Variants in DCUN1D1 observed in about 807,000 individuals in gnomAD.
The protein encoded by DCUN1D1 is DCN1-like protein 1.
Under a neutral mutation model 39.0 loss-of-function variants are expected in DCUN1D1, and 3 were observed. The ratio of observed to expected loss-of-function variants is 0.08; its 90% CI spans 0.04 to 0.20. DCUN1D1 has a LOEUF of 0.20. Ranked by LOEUF, DCUN1D1 falls within the 10% of genes least tolerant of loss-of-function variation. DCUN1D1 has a pLI of 1.00. For synonymous variants in DCUN1D1, 82 were observed against 96.3 expected (o/e 0.85, Z 0.87); for missense variants, 158 against 302.4 (o/e 0.52, Z 3.54).
intron 2 of DCUN1D1, 22 bp downstream of exon 2, chr3:182,965,514 TA>T: frequency 6.5e-7 from 1 of 1,541,984 alleles, no homozygotes; most frequent in Non-Finnish European, 8.9e-7. Flanking sequence ...AAAATTTACT[TA>T]AAGTCACAAG....
chr3:182,955,706 G>C (rs57704345), intron 4 of DCUN1D1: 136 of 322,898 alleles, frequency 4.2e-4, no homozygotes, highest in African/African-American at 2.1e-3. Flanking sequence ...TCAGCCTCCC[G>C]AGTAGCTGGG....
At position 182,939,041 on chromosome 3, in the gene DCUN1D1, A is replaced by G. The variant is rs960831647; in HGVS notation, c.*6053T>C. ...ACCCTCACTGACTACAGAAAATACT[A>G]CCTCCAAGAGAGTACATGTCTACTA... On this transcript the variant is annotated 3_prime_UTR_variant, in exon 7 of 7. Coordinates refer to ENST00000292782, the MANE Select transcript of DCUN1D1 (RefSeq NM_020640.4). The G allele has an allele frequency of 1.3e-5, 2 of 152,186 alleles. No homozygotes were observed. The highest frequency in any genetic ancestry group is 2.9e-5 in the Non-Finnish European group (2 of 68,022). 9.4% of individuals were successfully genotyped at this position (152,186 alleles called of 1,614,324 possible).
intron 3 of DCUN1D1, among the ~76,000 whole-genome samples, chr3:182,963,409 G>A (rs1727504677): frequency 6.6e-6 from 1 of 152,070 alleles, no homozygotes; most frequent in South Asian, 2.1e-4. Context: ...GACAACTAGA[G>A]GTCACAGGTA....
chr3:182,972,576 G>C (rs1727997592), intron 1 of DCUN1D1, among the ~76,000 whole-genome samples: 1 of 151,942 alleles, frequency 6.6e-6, no homozygotes, highest in African/African-American at 2.4e-5. Flanking sequence ...CAGAGTTCAA[G>C]ACGAGCCTGG....
chr3:182,981,785 A>G (rs1361761327), upstream of DCUN1D1, among the ~76,000 whole-genome samples: 1 of 152,260 alleles, frequency 6.6e-6, no homozygotes, highest in Non-Finnish European at 1.5e-5. Flanking sequence ...TCCTGGAGCT[A>G]GCCATGTACT....
chr3:182,945,590 C>G (rs561735586), intron 6 of DCUN1D1, among the ~76,000 whole-genome samples: 1 of 148,836 alleles, frequency 6.7e-6, no homozygotes, highest in Non-Finnish European at 1.5e-5. Context: ...GAGCGAGACT[C>G]CCTCTCAAAA....
intron 1 of DCUN1D1, among the ~76,000 whole-genome samples, chr3:182,974,355 TTC>T (rs1050401018): frequency 3.3e-5 from 5 of 152,316 alleles, no homozygotes; most frequent in Non-Finnish European, 7.4e-5. Context: ...TCGCAATTGA[TTC>T]TCTCAAACTT....
intron 1 of DCUN1D1, among the ~76,000 whole-genome samples, chr3:182,970,141 C>G (rs1021125210): frequency 6.6e-6 from 1 of 151,928 alleles, no homozygotes; most frequent in Non-Finnish European, 1.5e-5. Context: ...ACCTATAGTC[C>G]TAGCTACATG....
chr3:182,981,287 C>G (rs1316825729), upstream of DCUN1D1, among the ~76,000 whole-genome samples: 6 of 152,132 alleles, frequency 3.9e-5, no homozygotes, highest in Admixed American at 1.3e-4. Flanking sequence ...TCTCAGTATC[C>G]CCTCAGTTCG....
At chr3:182,973,802 C>T (rs976636859) in intron 1 of DCUN1D1, among the ~76,000 whole-genome samples, 1 of 143,502 alleles carries the variant, frequency 7.0e-6, no homozygotes, top group African/African-American at 2.8e-5. Flanking sequence ...TGCGAAACTC[C>T]GGCTCAAAAA....
intron 1 of DCUN1D1, chr3:182,979,990 G>T: frequency 5.3e-6 from 1 of 186,950 alleles, no homozygotes; most frequent in Non-Finnish European, 1.0e-5. Flanking sequence ...AGCGGAGGAG[G>T]GAGAGGCGCG....
intron 4 of DCUN1D1, among the ~76,000 whole-genome samples, chr3:182,958,450 T>C (rs1727209017): frequency 6.6e-6 from 1 of 152,176 alleles, no homozygotes; most frequent in Non-Finnish European, 1.5e-5. Flanking sequence ...CTAAGGTCCA[T>C]ATTCTACATT....
rs532805916 is a variant in DCUN1D1, at chr3:182,975,237, T to C, written c.3+5250A>G. 7.3e-5 allele frequency among the ~76,000 whole-genome samples: 11 copies of C among 150,510 alleles called. No homozygotes were observed. The South Asian group carries it at 8.4e-4, about 11-fold the overall frequency. ...TGTCGCCCAGGCTGGAGTGCAGTGG[T>C]GCGATCTCGGCTCACTGCAAGCTCC... On this transcript the variant is annotated intron_variant, in intron 1 of 6. Coordinates refer to ENST00000292782, the MANE Select transcript of DCUN1D1 (RefSeq NM_020640.4).
chr3:182,959,517 A>AAAC (rs1553841977), intron 4 of DCUN1D1, among the ~76,000 whole-genome samples: 2 of 150,134 alleles, frequency 1.3e-5, no homozygotes, highest in African/African-American at 5.0e-5. Flanking sequence ...AAAAAAAAAA[A>AAAC]AAAAAAAAAC....
At chr3:182,946,390 TAC>T (rs1200696016) in intron 6 of DCUN1D1, among the ~76,000 whole-genome samples, 1 of 151,882 alleles carries the variant, frequency 6.6e-6, no homozygotes, top group African/African-American at 2.4e-5. Flanking sequence ...ACCCCGTCTC[TAC>T]TAAAAATACA....
In DCUN1D1 at chr3:182,957,070, A is replaced by T. The variant is rs73883965; in HGVS notation, c.520+4156T>A. Among the ~76,000 whole-genome samples the T allele has an allele frequency of 5.3e-3, 815 of 152,342 alleles. 6 individuals carry two copies. The highest frequency in any genetic ancestry group is 0.019 in the African/African-American group (772 of 41,576). On this transcript the variant is annotated intron_variant, in intron 4 of 6. Coordinates refer to ENST00000292782, the MANE Select transcript of DCUN1D1 (RefSeq NM_020640.4). ...TGGATCTTTAATTTTAGCCTTTATC[A>T]GTGTTGCACTGGGGGACAAGTAAGA...
In DCUN1D1 at chr3:182,949,902, T is replaced by C. The variant is rs147583595; in HGVS notation, c.521-2270A>G. On this transcript the variant is annotated intron_variant, in intron 4 of 6. Transcript: ENST00000292782. Reference sequence around the variant, plus strand: ...GAAACTGCTAAGTCGACAAACTTCCTATGGTTTCACATACAAACATACTTA... The same window carrying C: ...GAAACTGCTAAGTCGACAAACTTCCCATGGTTTCACATACAAACATACTTA... Among the ~76,000 whole-genome samples the C allele has an allele frequency of 2.2e-4, 34 of 152,324 alleles. No homozygotes were observed. The East Asian group carries it at 6.2e-3, about 28-fold the overall frequency.
chr3:182,962,670 A>G (rs184063097), intron 3 of DCUN1D1, among the ~76,000 whole-genome samples: 3 of 152,328 alleles, frequency 2.0e-5, no homozygotes, highest in East Asian at 3.9e-4. Flanking sequence ...AGGTGGTAGC[A>G]GCTTACTGCA....
rs1726158298 is a variant in DCUN1D1 at position 182,942,024 on chromosome 3, T to C, written c.*3070A>G. 1 of 152,126 alleles carries C rather than the reference T, an allele frequency of 6.6e-6. No homozygotes were observed. Among genetic ancestry groups the C allele is most frequent in the Non-Finnish European group, 1.5e-5 (1 of 67,984 alleles). The allele number at this position is 152,126 out of a possible 1,614,324, so 9.4% of individuals were successfully genotyped here. ...TCATTTAAGTCTGAGGAAAAAATAG[T>C]GTACCTTGCTTAAATAAGAATTCCC... On this transcript the variant is annotated 3_prime_UTR_variant, in exon 7 of 7. Transcript: ENST00000292782.
Sources: gnomAD v4.1 joint callset for allele counts (sites outside exome capture counted in the v4.1 genomes callset) on GRCh38, gnomAD v4.1.1 for gene constraint, MANE v1.5 for transcripts, NCBI Gene and HGNC (gene_info 2026-07-23, HGNC 2026-07-21) for gene names.